SORCS3: variants seen among roughly 807,000 people sequenced by gnomAD.
SORCS3 encodes the protein sortilin related VPS10 domain containing receptor 3, also known as VPS10 domain-containing receptor SorCS3.
Under a neutral mutation model 146.3 loss-of-function variants are expected in SORCS3, and 57 were observed. The observed-to-expected ratio is 0.39, with a 90% CI of 0.31 to 0.49. The LOEUF (loss-of-function observed/expected upper bound fraction) is 0.49. Among genes scored for constraint, SORCS3 ranks in the 20% least tolerant of loss-of-function variants. SORCS3 has a pLI of 0.92. For missense variants in SORCS3, 1,341 were observed against 1,575.5 expected (o/e 0.85, Z 2.52); for synonymous variants, 653 against 618.5 (o/e 1.06, Z -0.83).
At chr10:105,171,419 G>A (rs1191405136) in intron 13 of SORCS3, among the ~76,000 whole-genome samples, 3 of 152,226 alleles carry the variant, frequency 2.0e-5, no homozygotes, top group East Asian at 1.9e-4. Flanking sequence ...ACTCACAATC[G>A]GCAGAGCACC....
chr10:104,851,295 G>C (rs191139722), intron 2 of SORCS3, among the ~76,000 whole-genome samples: 20 of 152,314 alleles, frequency 1.3e-4, no homozygotes, highest in African/African-American at 4.8e-4. Flanking sequence ...TTTTTGGCCA[G>C]TGGCTGAGAG....
intron 3 of SORCS3, among the ~76,000 whole-genome samples, chr10:104,943,499 A>G (rs1051113532): frequency 6.6e-6 from 1 of 152,230 alleles, no homozygotes; most frequent in African/African-American, 2.4e-5. Context: ...TAGTAATACA[A>G]TGAATCAAGT....
chr10:105,041,789 G>C (rs1344348013), intron 4 of SORCS3, among the ~76,000 whole-genome samples: 1 of 152,068 alleles, frequency 6.6e-6, no homozygotes. Flanking sequence ...AGCAGATATT[G>C]GGGATGTGAT....
intron 5 of SORCS3, among the ~76,000 whole-genome samples, chr10:105,055,623 T>C (rs548600170): frequency 2.0e-5 from 3 of 152,128 alleles, no homozygotes; most frequent in Non-Finnish European, 4.4e-5. Context: ...TAAGAGGAGA[T>C]AATTGGAATA....
At chr10:104,858,517 A>AT in intron 2 of SORCS3, among the ~76,000 whole-genome samples, 1 of 152,248 alleles carries the variant, frequency 6.6e-6, no homozygotes, top group African/African-American at 2.4e-5. Context: ...CGATACTTAA[A>AT]TCTTTGTTTT....
chr10:105,131,955 T>C (rs983245154), intron 7 of SORCS3, among the ~76,000 whole-genome samples: 1 of 152,154 alleles, frequency 6.6e-6, no homozygotes, highest in Non-Finnish European at 1.5e-5. Context: ...TACTTCAATC[T>C]GATATTTGGG....
At chr10:105,190,967 G>T (rs1333170835) in intron 14 of SORCS3, among the ~76,000 whole-genome samples, 1 of 152,132 alleles carries the variant, frequency 6.6e-6, no homozygotes, top group African/African-American at 2.4e-5. Context: ...TCCTCATTTT[G>T]CACATGAGGA....
intron 3 of SORCS3, among the ~76,000 whole-genome samples, chr10:104,955,601 A>G (rs972285028): frequency 1.3e-5 from 2 of 152,218 alleles, no homozygotes; most frequent in African/African-American, 4.8e-5. Context: ...TGGGAGGATT[A>G]GATACCTCAC....
At chr10:104,719,701 T>C (rs934287821) in intron 1 of SORCS3, among the ~76,000 whole-genome samples, 1 of 152,142 alleles carries the variant, frequency 6.6e-6, no homozygotes, top group African/African-American at 2.4e-5. Context: ...TGCATGTATG[T>C]GAGGGTGTAT....
At chr10:104,888,674 C>T (rs2018718025) in intron 2 of SORCS3, among the ~76,000 whole-genome samples, 1 of 152,142 alleles carries the variant, frequency 6.6e-6, no homozygotes, top group South Asian at 2.1e-4. Flanking sequence ...ATTGGTATGA[C>T]AGGACACCAA....
At chr10:104,757,761 C>T (rs1407647263) in intron 1 of SORCS3, among the ~76,000 whole-genome samples, 1 of 151,912 alleles carries the variant, frequency 6.6e-6, no homozygotes, top group African/African-American at 2.4e-5. Context: ...GTTCTTAAAT[C>T]CTAGCATTAA....
At chr10:105,035,242 C>A (rs867432549) in intron 4 of SORCS3, among the ~76,000 whole-genome samples, 3 of 152,112 alleles carry the variant, frequency 2.0e-5, no homozygotes, top group African/African-American at 7.2e-5. Context: ...GAACAGATTA[C>A]AAAATACCCA....
chr10:104,982,471 G>GT (rs1449411407), intron 4 of SORCS3, among the ~76,000 whole-genome samples: 1 of 152,166 alleles, frequency 6.6e-6, no homozygotes, highest in East Asian at 1.9e-4. Flanking sequence ...TCACCTGGTG[G>GT]AGATAAAGCT....
chr10:104,789,571 T>A (rs1212874517), intron 1 of SORCS3, among the ~76,000 whole-genome samples: 1 of 152,196 alleles, frequency 6.6e-6, no homozygotes, highest in Non-Finnish European at 1.5e-5. Context: ...ACATTACAAC[T>A]GGGAGACCCT....
At chr10:104,781,395 G>A (rs2017372526) in intron 1 of SORCS3, among the ~76,000 whole-genome samples, 1 of 152,202 alleles carries the variant, frequency 6.6e-6, no homozygotes, top group Non-Finnish European at 1.5e-5. Flanking sequence ...GTGCTCTATG[G>A]TTTCAAAGTC....
intron 4 of SORCS3, among the ~76,000 whole-genome samples, chr10:105,030,754 A>C (rs904314241): frequency 7.2e-5 from 11 of 151,932 alleles, no homozygotes; most frequent in African/African-American, 2.7e-4. Flanking sequence ...CACTATGCCT[A>C]GCTAATTTTT....
chr10:104,720,444 C>T (rs901266932), intron 1 of SORCS3, among the ~76,000 whole-genome samples: 24 of 152,168 alleles, frequency 1.6e-4, no homozygotes, highest in Middle Eastern at 3.2e-3. Context: ...CATAAGTGTG[C>T]ATGTGTCTTT....
intron 1 of SORCS3, among the ~76,000 whole-genome samples, chr10:104,833,635 T>TC (rs2133539148): frequency 6.6e-6 from 1 of 152,314 alleles, no homozygotes; most frequent in South Asian, 2.1e-4. Context: ...AACTGGTTTT[T>TC]CTGCCTCGTT....
At chr10:104,680,960 A>T (rs2015963709) in intron 1 of SORCS3, among the ~76,000 whole-genome samples, 1 of 152,192 alleles carries the variant, frequency 6.6e-6, no homozygotes, top group Non-Finnish European at 1.5e-5. Context: ...CCTGCGGGGA[A>T]CAGAGAGCAG....
Sources: allele counts gnomAD v4.1 joint callset (sites outside exome capture counted in the v4.1 genomes callset), GRCh38; gene constraint gnomAD v4.1.1; transcripts MANE v1.5; gene names NCBI Gene and HGNC (gene_info 2026-07-23, HGNC 2026-07-21).